The following ENTREP2 variants were observed in gnomAD, a reference collection of about 807,000 sequenced individuals.
ENTREP2 encodes the protein endosomal transmembrane epsin interactor 2, also known as protein ENTREP2.
At chr15:29,586,089 GAACA>G in the ENTREP2 span, among the ~76,000 whole-genome samples, 1 of 152,110 alleles carries the variant, frequency 6.6e-6, no homozygotes, top group Non-Finnish European at 1.5e-5. Context: ...ACAGATGAAT[GAACA>G]GACAAAATGT....
At chr15:29,156,651 T>G in the ENTREP2 span, among the ~76,000 whole-genome samples, 1 of 152,076 alleles carries the variant, frequency 6.6e-6, no homozygotes, top group African/African-American at 2.4e-5. Context: ...GGAGGAGGCA[T>G]GCAGATGCCG....
chr15:29,529,495 G>A, the ENTREP2 span, among the ~76,000 whole-genome samples: 3 of 152,004 alleles, frequency 2.0e-5, no homozygotes, highest in Non-Finnish European at 4.4e-5. Context: ...CTGGTGGACC[G>A]TGGCCTAGAA....
chr15:29,162,989 T>C, the ENTREP2 span, among the ~76,000 whole-genome samples: 2 of 152,174 alleles, frequency 1.3e-5, no homozygotes, highest in South Asian at 2.1e-4. Context: ...CACAGGACTC[T>C]GTGCAGACAA....
At chr15:29,200,596 T>C in the ENTREP2 span, among the ~76,000 whole-genome samples, 9 of 152,164 alleles carry the variant, frequency 5.9e-5, no homozygotes, top group Admixed American at 5.2e-4. Context: ...TTTGCTCTTG[T>C]TGCCCAGGCT....
At chr15:29,623,786 A>G in the ENTREP2 span, among the ~76,000 whole-genome samples, 1 of 152,134 alleles carries the variant, frequency 6.6e-6, no homozygotes, top group African/African-American at 2.4e-5. Context: ...AGGGAGGGTA[A>G]GGTATCTCCA....
At chr15:29,429,972 C>T in the ENTREP2 span, among the ~76,000 whole-genome samples, 196 of 152,358 alleles carry the variant, frequency 1.3e-3, no homozygotes, top group Middle Eastern at 6.8e-3. Flanking sequence ...TGGGCGCAGA[C>T]TTTCAAATAC....
the ENTREP2 span, among the ~76,000 whole-genome samples, chr15:29,529,822 A>G: frequency 6.6e-6 from 1 of 152,302 alleles, no homozygotes; most frequent in South Asian, 2.1e-4. Context: ...ACCTCATTTT[A>G]GATATAGCAA....
chr15:29,294,239 G>A, the ENTREP2 span, among the ~76,000 whole-genome samples: 1 of 152,200 alleles, frequency 6.6e-6, no homozygotes, highest in East Asian at 1.9e-4. Context: ...TGGAAGCAGC[G>A]TTATTGAAAG....
At chr15:29,487,253 G>A in the ENTREP2 span, among the ~76,000 whole-genome samples, 1 of 152,182 alleles carries the variant, frequency 6.6e-6, no homozygotes, top group Non-Finnish European at 1.5e-5. Context: ...CCATGTGAAT[G>A]CCCAGAGCAG....
the ENTREP2 span, among the ~76,000 whole-genome samples, chr15:29,653,896 T>G: frequency 6.6e-6 from 1 of 152,178 alleles, no homozygotes; most frequent in Non-Finnish European, 1.5e-5. Flanking sequence ...TCGGAAAGAA[T>G]CTGGATTTTT....
the ENTREP2 span, among the ~76,000 whole-genome samples, chr15:29,307,332 T>A: frequency 6.6e-6 from 1 of 151,936 alleles, no homozygotes; most frequent in Admixed American, 6.6e-5. Flanking sequence ...TTAAATAACC[T>A]GAACATGCTG....
At chr15:29,257,311 GGTCCACCC>G in the ENTREP2 span, among the ~76,000 whole-genome samples, 4 of 152,102 alleles carry the variant, frequency 2.6e-5, no homozygotes, top group African/African-American at 9.7e-5. Flanking sequence ...GACCTCAGGT[GGTCCACCC>G]GCCTCGGCCT....
the ENTREP2 span, among the ~76,000 whole-genome samples, chr15:29,508,017 G>A: frequency 6.6e-6 from 1 of 151,686 alleles, no homozygotes; most frequent in African/African-American, 2.4e-5. Flanking sequence ...CTAATAAAGA[G>A]GAAAAGAGAG....
chr15:29,397,889 C>T, the ENTREP2 span, among the ~76,000 whole-genome samples: 2 of 152,076 alleles, frequency 1.3e-5, no homozygotes, highest in Non-Finnish European at 2.9e-5. Context: ...AAATAAGGAA[C>T]AGACCAGTGG....
At chr15:29,158,405 C>CCTTTT in the ENTREP2 span, among the ~76,000 whole-genome samples, 1 of 133,174 alleles carries the variant, frequency 7.5e-6, no homozygotes, top group Admixed American at 7.4e-5. Flanking sequence ...TTATCTCTGC[C>CCTTTT]TTTTTTTTTT....
At chr15:29,630,813 G>A in the ENTREP2 span, among the ~76,000 whole-genome samples, 7 of 152,084 alleles carry the variant, frequency 4.6e-5, no homozygotes, top group Non-Finnish European at 8.8e-5. Flanking sequence ...TCAGCCTCCC[G>A]AGTAGTTGGG....
chr15:29,659,796 C>A, the ENTREP2 span, among the ~76,000 whole-genome samples: 1 of 144,848 alleles, frequency 6.9e-6, no homozygotes, highest in African/African-American at 2.8e-5. Context: ...ACGAATATGC[C>A]ACTATATTTT....
At chr15:29,458,379 C>T in the ENTREP2 span, among the ~76,000 whole-genome samples, 2 of 152,118 alleles carry the variant, frequency 1.3e-5, no homozygotes, top group African/African-American at 4.8e-5. Context: ...CCCTCACAGA[C>T]ACTATCAGGA....
At chr15:29,191,784 T>C in the ENTREP2 span, among the ~76,000 whole-genome samples, 1 of 152,142 alleles carries the variant, frequency 6.6e-6, no homozygotes, top group Non-Finnish European at 1.5e-5. Context: ...CATGGTGGCA[T>C]ATGCCTACAG....
Sources: gnomAD v4.1 joint callset for allele counts (sites outside exome capture counted in the v4.1 genomes callset) on GRCh38, gnomAD v4.1.1 for gene constraint, MANE v1.5 for transcripts, NCBI Gene and HGNC (gene_info 2026-07-23, HGNC 2026-07-21) for gene names.